ATP2B4: variants seen among roughly 807,000 people sequenced by gnomAD.
ATP2B4 encodes the protein ATPase plasma membrane Ca2+ transporting 4.
In ATP2B4, 39 loss-of-function variants were observed where a neutral mutation model predicts 110.3. The observed-to-expected ratio is 0.35, with a 90% CI of 0.27 to 0.46. The LOEUF is 0.46. Among genes scored for constraint, ATP2B4 ranks in the 20% least tolerant of loss-of-function variants. The pLI, the probability that ATP2B4 is intolerant of heterozygous loss-of-function variation, is 1.00. For missense variants in ATP2B4, 1,135 were observed against 1,530.9 expected (o/e 0.74, Z 4.32); for synonymous variants, 538 against 571.7 (o/e 0.94, Z 0.84).
In ATP2B4 at chr1:203,722,496, T is replaced by C; in HGVS notation, c.2831T>C (p.Ile944Thr). 2 of 1,613,834 alleles carry C rather than the reference T, an allele frequency of 1.2e-6. No individual in the cohort carries two copies. Among genetic ancestry groups the C allele is most frequent in the South Asian group, 1.1e-5 (1 of 91,072 alleles). Residue 944 changes from isoleucine to threonine, a missense_variant, in exon 18 of 21, where the codon ATT becomes ACT. This residue lies in a region of ATP2B4 where 155 missense variants were observed against 186.2 expected (regional missense o/e 0.83). Coordinates refer to ENST00000357681, the MANE Select transcript of ATP2B4 (RefSeq NM_001684.5). ...CCACTAGGTGAGAAATTCTTTGATA[T>C]TGATAGTGGGAGGAAGGCACCTCTA... ...LVFAGEKFFD[I>T]DSGRKAPLHS...
intron 2 of ATP2B4, among the ~76,000 whole-genome samples, chr1:203,692,088 G>A (rs1665394344): frequency 6.6e-6 from 1 of 152,006 alleles, no homozygotes; most frequent in African/African-American, 2.4e-5. Context: ...CACTGTGTTA[G>A]CCAGGATGGT....
Position 203,712,102 on chromosome 1 carries a change from A to G in ATP2B4, c.2174A>G (p.Lys725Arg), listed in dbSNP as rs1056995019. Residue 725 changes from lysine to arginine, a missense_variant, in exon 13 of 21, where the codon AAA becomes AGA. This residue lies in a region of ATP2B4 where 368 missense variants were observed against 455.9 expected (regional missense o/e 0.81). Coordinates refer to ENST00000357681, the MANE Select transcript of ATP2B4 (RefSeq NM_001684.5). ...PGDDFLCLEG[K>R]EFNRLIRNEK... is the part of the protein sequence containing the mutation. The stretch of plus-strand genomic sequence containing the variant: ...GATGACTTCCTGTGCTTAGAAGGCA[A>G]AGAATTCAACCGGCTCATCCGCAAC... 1.9e-6 allele frequency: 3 copies of G among 1,614,034 alleles called. No individual in the cohort carries two copies. The highest frequency in any genetic ancestry group is 2.5e-6 in the Non-Finnish European group (3 of 1,180,018).
chr1:203,675,184 A>C (rs557890968), intron 1 of ATP2B4, among the ~76,000 whole-genome samples: 1 of 152,132 alleles, frequency 6.6e-6, no homozygotes, highest in African/African-American at 2.4e-5. Context: ...CATGGGTTGG[A>C]TCTTAGCAGA....
intron 20 of ATP2B4, 97 bp from the exon 21 acceptor site, chr1:203,739,449 G>T: frequency 4.0e-6 from 5 of 1,237,524 alleles, no homozygotes; most frequent in Non-Finnish European, 5.7e-6. Context: ...TTTATAGTCT[G>T]GGTTTTGTTT....
chr1:203,721,169 T>C, intron 16 of ATP2B4, 28 bp from the exon 17 acceptor site: 1 of 1,611,296 alleles, frequency 6.2e-7, no homozygotes, highest in South Asian at 1.1e-5. Flanking sequence ...AGAGAAAAGC[T>C]AAAAGGACTG....
At chr1:203,679,666 C>G (rs758145448) in intron 1 of ATP2B4, among the ~76,000 whole-genome samples, 8 of 152,150 alleles carry the variant, frequency 5.3e-5, no homozygotes, top group Non-Finnish European at 1.2e-4. Context: ...GGGTGGATCA[C>G]AAGGTCAAGA....
chr1:203,718,972 C>T lies in ATP2B4; in HGVS notation c.2407-1577C>T, dbSNP rs144858564. Among the ~76,000 whole-genome samples, 53 of 152,114 alleles carry T rather than the reference C, an allele frequency of 3.5e-4. 2 individuals carry two copies. Among genetic ancestry groups the T allele is most frequent in the African/African-American group, 1.2e-3 (48 of 41,490 alleles). On this transcript the variant is annotated intron_variant, in intron 15 of 20. Transcript: ENST00000357681. ...GTGGTGGCTCACACCCGTAATCAAT[C>T]GCAACACTTTGGGAGGCCAAGGGAG... is the stretch of plus-strand genomic sequence containing the variant.
rs376712958 is a variant in ATP2B4 at position 203,653,960 on chromosome 1, AATAT to A, written c.-465+26764_-465+26767del. 5.0e-3 allele frequency among the ~76,000 whole-genome samples: 666 copies of A among 132,396 alleles called. 7 individuals are homozygous for A. Among genetic ancestry groups the A allele is most frequent in the African/African-American group, 0.018 (610 of 34,582 alleles). 86.9% of individuals were successfully genotyped at this position (132,396 alleles called of 152,430 possible). On this transcript the variant is annotated intron_variant, in intron 1 of 20. Coordinates refer to ENST00000357681, the MANE Select transcript of ATP2B4 (RefSeq NM_001684.5). ...CATCTATTTACAGCATGGTTTGCCA[AATAT>A]ATATATATATATATATATATATTTT...
chr1:203,660,582 G>A (rs564223583), intron 1 of ATP2B4, among the ~76,000 whole-genome samples: 4 of 151,964 alleles, frequency 2.6e-5, no homozygotes, highest in East Asian at 1.9e-4. Flanking sequence ...TGGGCAGATC[G>A]TGAGGTCAAG....
intron 1 of ATP2B4, among the ~76,000 whole-genome samples, chr1:203,646,222 C>T (rs1481519296): frequency 8.1e-6 from 1 of 123,014 alleles, no homozygotes; most frequent in East Asian, 2.4e-4. Flanking sequence ...CCTATCTTCC[C>T]TTTCAAAAAA....
chr1:203,737,692 G>T (rs1396485544), intron 20 of ATP2B4, among the ~76,000 whole-genome samples: 1 of 152,148 alleles, frequency 6.6e-6, no homozygotes, highest in African/African-American at 2.4e-5. Flanking sequence ...TGTGGTCCTC[G>T]CTGTCTGTTC....
At chr1:203,705,511 G>A (rs145894769) in intron 8 of ATP2B4, among the ~76,000 whole-genome samples, 9 of 152,302 alleles carry the variant, frequency 5.9e-5, no homozygotes, top group East Asian at 5.8e-4. Flanking sequence ...TGAGTCTCCC[G>A]AGTAGCTGGG....
chr1:203,650,355 G>T (rs1448632164), intron 1 of ATP2B4, among the ~76,000 whole-genome samples: 2 of 152,170 alleles, frequency 1.3e-5, no homozygotes, highest in African/African-American at 4.8e-5. Flanking sequence ...GGGTTGTGGT[G>T]TGGTGTGATG....
intron 12 of ATP2B4, 123 bp downstream of exon 12, chr1:203,711,231 C>T (rs1666000615): frequency 2.3e-6 from 2 of 866,600 alleles, no homozygotes; most frequent in East Asian, 2.6e-5. Context: ...TTCTGTGCTT[C>T]CTGCTTCACA....
chr1:203,736,616 C>G (rs916181855), intron 20 of ATP2B4, among the ~76,000 whole-genome samples: 1 of 152,174 alleles, frequency 6.6e-6, no homozygotes, highest in Non-Finnish European at 1.5e-5. Flanking sequence ...CCACTTCCAC[C>G]TGTAGGCCAG....
At chr1:203,723,405 T>C (rs1254410464) in intron 18 of ATP2B4, among the ~76,000 whole-genome samples, 2 of 116,670 alleles carry the variant, frequency 1.7e-5, no homozygotes, top group African/African-American at 6.3e-5. Context: ...TTTTTTTTTT[T>C]CGTTTGAGAC....
chr1:203,691,986 A>G (rs1665391572), intron 2 of ATP2B4, among the ~76,000 whole-genome samples: 1 of 151,616 alleles, frequency 6.6e-6, no homozygotes, highest in Admixed American at 6.6e-5. Flanking sequence ...TGTTCACACC[A>G]TTCTCCTGCC....
At chr1:203,681,311 T>A (rs1207940842) in intron 1 of ATP2B4, among the ~76,000 whole-genome samples, 1 of 152,106 alleles carries the variant, frequency 6.6e-6, no homozygotes, top group Non-Finnish European at 1.5e-5. Flanking sequence ...GGCAAAGACT[T>A]TGGCTACATG....
rs757021296 is a variant in ATP2B4 at position 203,721,401 on chromosome 1, G to T, written c.2803G>T (p.Val935Phe). 2 of 1,613,974 alleles carry T rather than the reference G, an allele frequency of 1.2e-6. No homozygotes were observed. Among genetic ancestry groups the T allele is most frequent in the South Asian group, 2.2e-5 (2 of 91,064 alleles). Residue 935 changes from valine to phenylalanine, a missense_variant, in exon 17 of 21, where the codon GTC (valine) becomes TTC (phenylalanine). Physicochemically the swap from Val to Phe is conservative, Grantham distance 50. This residue lies in a region of ATP2B4 where 155 missense variants were observed against 186.2 expected (regional missense o/e 0.83). Transcript: ENST00000357681. ...FYQLIVIFIL[V>F]FAGEKFFDID... ...TCAGCTCATTGTCATCTTTATCCTTGTCTTTGCGGGTGAGCCACTTTGGGG... is the reference window on the plus strand; with the variant it reads ...TCAGCTCATTGTCATCTTTATCCTTTTCTTTGCGGGTGAGCCACTTTGGGG...
Sources: gnomAD v4.1 joint callset for allele counts (sites outside exome capture counted in the v4.1 genomes callset) on GRCh38, gnomAD v4.1.1 for gene constraint, gnomAD v4.1.1 regional missense constraint, MANE v1.5 for transcripts, NCBI Gene and HGNC (gene_info 2026-07-23, HGNC 2026-07-21) for gene names.